The following LYPD1 variants were observed in gnomAD, a reference collection of about 807,000 sequenced individuals.
The protein encoded by LYPD1 is LY6/PLAUR domain containing 1.
In LYPD1, 14 loss-of-function variants were observed where a neutral mutation model predicts 14.2. That is an observed-to-expected ratio of 0.99 (90% confidence interval 0.65 to 1.54). The LOEUF is 1.54. Among genes scored for constraint, LYPD1 ranks in the 40% most tolerant of loss-of-function variants. The probability of loss-of-function intolerance (pLI) is 0.00; values close to 1 mark genes in which losing one functional copy is unlikely to be tolerated. For missense variants in LYPD1, 165 were observed against 175.7 expected, an observed-to-expected ratio of 0.94 and a Z score of 0.34; for synonymous variants, 85 against 70.6, an observed-to-expected ratio of 1.20 and a Z score of -1.02.
chr2:132,659,577 T>C (rs370317218), intron 2 of LYPD1, among the ~76,000 whole-genome samples: 2 of 152,256 alleles, frequency 1.3e-5, no homozygotes, highest in Admixed American at 6.5e-5. Flanking sequence ...CTCACTCTTA[T>C]GCAGAATGTC....
rs575815985 is a variant in LYPD1, at chr2:132,658,043, C to G, written c.190+10357G>C. On this transcript the variant is annotated intron_variant, in intron 2 of 2. Transcript: ENST00000397463. ...AGAATTTCTGGGGGGACTTTGGAAACTCTTTTGCGTTCTCATTAAAAGGCA... is the reference window on the plus strand; with the variant it reads ...AGAATTTCTGGGGGGACTTTGGAAAGTCTTTTGCGTTCTCATTAAAAGGCA... 1.1e-4 allele frequency among the ~76,000 whole-genome samples: 17 copies of G among 152,276 alleles called. No homozygotes were observed. In the South Asian group the frequency reaches 3.3e-3, roughly 30 times the overall value.
Position 132,645,386 on chromosome 2 carries a change from C to T in LYPD1, c.*659G>A. ...CGCCTGCGCGTACATGCGCACTCCA[C>T]CACCGACAGCGCCCGCTTTGTGCAG... On this transcript the variant is annotated 3_prime_UTR_variant, in exon 3 of 3. Transcript: ENST00000397463. 1 of 1,613,824 alleles carries T rather than the reference C, an allele frequency of 6.2e-7. No homozygotes were observed. Among genetic ancestry groups the T allele is most frequent in the Middle Eastern group, 1.6e-4 (1 of 6,062 alleles).
intron 2 of LYPD1, among the ~76,000 whole-genome samples, chr2:132,653,296 A>C (rs755771407): frequency 5.3e-5 from 8 of 152,216 alleles, no homozygotes; most frequent in Non-Finnish European, 1.0e-4. Flanking sequence ...CCAATGACCC[A>C]GTGGACAAAG....
chr2:132,645,272 T>G lies in LYPD1; in HGVS notation c.*773A>C, dbSNP rs1455904000. 6.2e-6 allele frequency: 10 copies of G among 1,614,210 alleles called. No homozygotes were observed. The highest frequency in any genetic ancestry group is 8.5e-6 in the Non-Finnish European group (10 of 1,180,032). On this transcript the variant is annotated 3_prime_UTR_variant, in exon 3 of 3. Coordinates refer to ENST00000397463, the MANE Select transcript of LYPD1 (RefSeq NM_144586.7). Reference sequence around the variant, plus strand: ...CTCAGCTCGGTCATCAACCCGCTCCTGTACACGGTGTCCTCGCAGCAGTTT... The same window carrying G: ...CTCAGCTCGGTCATCAACCCGCTCCGGTACACGGTGTCCTCGCAGCAGTTT...
chr2:132,646,281 C>A lies in LYPD1; in HGVS notation c.191-1G>T. ...GCACAGGACTTGCGGTACATGATCC[C>A]TGTAACACAGACCCAAAGGAGCTGA... On this transcript the variant is annotated splice_acceptor_variant, in intron 2 of 2. Transcript: ENST00000397463. LOFTEE classifies it high-confidence loss of function. 1 of 1,486,418 alleles carries A rather than the reference C, an allele frequency of 6.7e-7. No homozygotes were observed. The highest frequency in any genetic ancestry group is 9.0e-7 in the Non-Finnish European group (1 of 1,111,616). The allele number at this position is 1,486,418 out of a possible 1,614,324, so 92.1% of individuals were successfully genotyped here.
In LYPD1 at chr2:132,644,815, CAT is replaced by C. The variant is rs1491154119; in HGVS notation, c.*1228_*1229del. On this transcript the variant is annotated 3_prime_UTR_variant, in exon 3 of 3. Coordinates refer to ENST00000397463, the MANE Select transcript of LYPD1 (RefSeq NM_144586.7). ...ATACGCAAACAAACACCAATGAAAA[CAT>C]TTTTTTAAAATTAACAGACATCAAC... 2.6e-6 allele frequency: 1 copy of C among 380,774 alleles called. No homozygotes were observed. The highest frequency in any genetic ancestry group is 4.7e-6 in the Non-Finnish European group (1 of 214,342). The allele number at this position is 380,774 out of a possible 1,614,324, so 23.6% of individuals were successfully genotyped here.
In LYPD1 at chr2:132,669,966, C is replaced by A; in HGVS notation, c.-34G>T. On this transcript the variant is annotated 5_prime_UTR_variant, in exon 1 of 3. Coordinates refer to ENST00000397463, the MANE Select transcript of LYPD1 (RefSeq NM_144586.7). The surrounding 1 kb of genome is among the most constrained non-coding windows in gnomAD (Gnocchi z 4.3). ...AGTCCCGGGGCCGGGAGAGGGCAAG[C>A]GCATCAGAGGAGGCGACAGCAGCGG... 1 of 1,609,360 alleles carries A rather than the reference C, an allele frequency of 6.2e-7. No individual in the cohort carries two copies. The highest frequency in any genetic ancestry group is 8.5e-7 in the Non-Finnish European group (1 of 1,178,946).
chr2:132,665,984 T>C (rs59819601), intron 2 of LYPD1, among the ~76,000 whole-genome samples: 1,845 of 152,286 alleles, frequency 0.012, 40 homozygotes, highest in African/African-American at 0.041. Flanking sequence ...ATAGCATCAT[T>C]TAACAGGCAT....
intron 2 of LYPD1, among the ~76,000 whole-genome samples, chr2:132,649,761 ACTCC>A (rs1682279775): frequency 6.6e-6 from 1 of 152,082 alleles, no homozygotes; most frequent in Non-Finnish European, 1.5e-5. Flanking sequence ...AGGACTTAGA[ACTCC>A]TGAACAGTTC....
chr2:132,648,676 CG>C, intron 2 of LYPD1, among the ~76,000 whole-genome samples: 1 of 152,126 alleles, frequency 6.6e-6, no homozygotes. Context: ...ACCCTCATGT[CG>C]TTAGTCAGAA....
intron 2 of LYPD1, among the ~76,000 whole-genome samples, chr2:132,667,684 C>T (rs772535957): frequency 5.3e-5 from 8 of 152,162 alleles, no homozygotes; most frequent in Non-Finnish European, 1.0e-4. Context: ...CTTTGGGGAA[C>T]TTTGACTTCT....
At chr2:132,665,819 C>T (rs897634834) in intron 2 of LYPD1, among the ~76,000 whole-genome samples, 1 of 152,176 alleles carries the variant, frequency 6.6e-6, no homozygotes, top group African/African-American at 2.4e-5. Flanking sequence ...TAAGCAGAGA[C>T]CCAGGCATGT....
At chr2:132,648,949 A>G (rs749727057) in intron 2 of LYPD1, among the ~76,000 whole-genome samples, 1 of 152,150 alleles carries the variant, frequency 6.6e-6, no homozygotes, top group Non-Finnish European at 1.5e-5. Flanking sequence ...GTGGGCTTCT[A>G]TGAGCCTCCC....
At chr2:132,659,290 G>C (rs1271188599) in intron 2 of LYPD1, among the ~76,000 whole-genome samples, 2 of 151,974 alleles carry the variant, frequency 1.3e-5, no homozygotes. Context: ...AATAGTTATT[G>C]CGTGTCTCCA....
Position 132,670,149 on chromosome 2 carries a change from C to G in LYPD1, c.-217G>C. Reference sequence around the variant, plus strand: ...CCCGGCTGCGGGTCTCTGCTCCTCCCGCTCGCGCTCCCGGGCCGAGCACCG... The same window carrying G: ...CCCGGCTGCGGGTCTCTGCTCCTCCGGCTCGCGCTCCCGGGCCGAGCACCG... On this transcript the variant is annotated 5_prime_UTR_variant, in exon 1 of 3. Transcript: ENST00000397463. The surrounding 1 kb of genome is among the most constrained non-coding windows in gnomAD (Gnocchi z 4.5). 2 of 1,368,724 alleles carry G rather than the reference C, an allele frequency of 1.5e-6. No homozygotes were observed. Among genetic ancestry groups the G allele is most frequent in the Non-Finnish European group, 1.9e-6 (2 of 1,067,678 alleles). The allele number at this position is 1,368,724 out of a possible 1,614,324, so 84.8% of individuals were successfully genotyped here. A position where few individuals can be genotyped will look rare whatever the true frequency, so the allele number is the denominator to read the frequency against.
Position 132,643,675 on chromosome 2 carries a change from A to G in LYPD1, c.*2370T>C, listed in dbSNP as rs972583327. Among the ~76,000 whole-genome samples, 17 of 152,174 alleles carry G rather than the reference A, an allele frequency of 1.1e-4. No individual in the cohort carries two copies. Among genetic ancestry groups the G allele is most frequent in the African/African-American group, 4.1e-4 (17 of 41,432 alleles). On this transcript the variant is annotated 3_prime_UTR_variant, in exon 3 of 3. Transcript: ENST00000397463. ...AGACCACAGGTGTGTATGTACCACCATGCCTGGCTAAGTTTTTCTTTTTTT... is the reference window on the plus strand; with the variant it reads ...AGACCACAGGTGTGTATGTACCACCGTGCCTGGCTAAGTTTTTCTTTTTTT...
chr2:132,657,219 C>G (rs1461428673), intron 2 of LYPD1, among the ~76,000 whole-genome samples: 1 of 152,176 alleles, frequency 6.6e-6, no homozygotes, highest in Admixed American at 6.5e-5. Flanking sequence ...TCTAGTCTTG[C>G]ATTAGACTTG....
chr2:132,654,202 A>G (rs78413136), intron 2 of LYPD1, among the ~76,000 whole-genome samples: 221 of 152,302 alleles, frequency 1.5e-3, no homozygotes, highest in Middle Eastern at 0.01. Flanking sequence ...CAGCTTTTCT[A>G]TAAGTCTCAA....
intron 2 of LYPD1, among the ~76,000 whole-genome samples, chr2:132,661,014 A>G (rs1325501470): frequency 6.6e-6 from 1 of 152,224 alleles, no homozygotes; most frequent in Non-Finnish European, 1.5e-5. Context: ...TAAGCCCCCC[A>G]GGAAAGAAAA....
Sources: gnomAD v4.1 joint callset for allele counts (sites outside exome capture counted in the v4.1 genomes callset) on GRCh38, gnomAD v4.1.1 for gene constraint, Gnocchi (gnomAD v3.1) non-coding constraint, MANE v1.5 for transcripts, NCBI Gene and HGNC (gene_info 2026-07-23, HGNC 2026-07-21) for gene names.